POT1: variants seen among roughly 807,000 people sequenced by gnomAD.
The protein encoded by POT1 is protection of telomeres protein 1.
A neutral mutation model predicts 78.5 loss-of-function variants in POT1; 47 were observed. The ratio of observed to expected loss-of-function variants is 0.60; its 90% confidence interval spans 0.47 to 0.76. The LOEUF (loss-of-function observed/expected upper bound fraction) is 0.76. POT1 is among the 30% of genes least tolerant of loss of function. POT1 has a pLI of 0.00. For missense variants in POT1, 646 were observed against 749.9 expected, an observed-to-expected ratio of 0.86 and a Z score of 1.62; for synonymous variants, 259 against 260.7, an observed-to-expected ratio of 0.99 and a Z score of 0.06.
intron 7 of POT1, among the ~76,000 whole-genome samples, chr7:124,864,450 C>A (rs1383735177): frequency 6.6e-6 from 1 of 152,032 alleles, no homozygotes. Flanking sequence ...TTTGAGTCTA[C>A]TATCTTATTT....
At chr7:124,903,009 G>A (rs562016051) in intron 3 of POT1, among the ~76,000 whole-genome samples, 12 of 152,080 alleles carry the variant, frequency 7.9e-5, no homozygotes, top group Admixed American at 2.0e-4. Flanking sequence ...ATACAGGAAC[G>A]CCGAGATTCA....
At chr7:124,828,944 G>C (rs1332108534) in intron 16 of POT1, 1 of 608,306 alleles carries the variant, frequency 1.6e-6, no homozygotes, top group Non-Finnish European at 3.1e-6. Context: ...AACAACATCT[G>C]CAGCACAATG....
intron 12 of POT1, among the ~76,000 whole-genome samples, chr7:124,844,286 G>A (rs572677856): frequency 8.9e-4 from 135 of 151,060 alleles, no homozygotes; most frequent in Middle Eastern, 7.0e-3. Context: ...GCACCACCAC[G>A]CCCAGCTAAT....
rs1002823146 is a variant in POT1, at chr7:124,871,023, G to A, written c.143C>T (p.Thr48Ile). ...TTTTACATTTGTCTGGTCCACAATAGTTACAACTGAGCAATAATCTGGAAA... is the reference window on the plus strand; with the variant it reads ...TTTTACATTTGTCTGGTCCACAATAATTACAACTGAGCAATAATCTGGAAA... The part of the protein sequence containing the change: ...SKGTDYCSVV[T>I]IVDQTNVKLT... Residue 48 changes from threonine to isoleucine, a missense_variant, in exon 7 of 19, where the codon ACT (threonine) becomes ATT (isoleucine). Physicochemically the swap from Thr to Ile is moderately conservative, Grantham distance 89. Transcript: ENST00000357628. The A allele has an allele frequency of 1.2e-6, 2 of 1,602,848 alleles. No homozygotes were observed. The highest frequency in any genetic ancestry group is 1.7e-6 in the Non-Finnish European group (2 of 1,174,120).
At chr7:124,845,774 TA>T (rs1795148831) in intron 12 of POT1, among the ~76,000 whole-genome samples, 2 of 152,132 alleles carry the variant, frequency 1.3e-5, no homozygotes, top group Non-Finnish European at 1.5e-5. Context: ...TTAAGAAAGA[TA>T]TTTCCACTTA....
chr7:124,872,256 A>C (rs1262318134), intron 6 of POT1, among the ~76,000 whole-genome samples: 1 of 152,136 alleles, frequency 6.6e-6, no homozygotes, highest in East Asian at 1.9e-4. Context: ...TTCTATGCCT[A>C]TTGTGAATAA....
In POT1 at chr7:124,841,150, C is replaced by A; in HGVS notation, c.1192G>T (p.Asp398Tyr). The change falls in exon 14 of 19, where the codon GAT (aspartate) becomes TAT (tyrosine). Residue 398 changes from aspartate to tyrosine, a missense_variant. By Grantham distance (160) the Asp-to-Tyr change is radical. Around this residue, in one of 2 missense-constraint regions of POT1, gnomAD observed 394 missense variants for 408.4 expected, o/e 0.96. Transcript: ENST00000357628. Reference protein sequence around the residue: ...LQEVPHEGDLDIIFQDGATKT... With the variant: ...LQEVPHEGDLYIIFQDGATKT... ...GTTGCACCATCCTGAAAAATTATAT[C>A]CAAATCGCCCTCATGTGGAACTTCT... 3 of 1,612,234 alleles carry A rather than the reference C, an allele frequency of 1.9e-6. No individual in the cohort carries two copies. The highest frequency in any genetic ancestry group is 1.7e-6 in the Non-Finnish European group (2 of 1,179,004).
At chr7:124,887,722 AT>A (rs1167806725) in intron 6 of POT1, among the ~76,000 whole-genome samples, 1 of 152,068 alleles carries the variant, frequency 6.6e-6, no homozygotes, top group Non-Finnish European at 1.5e-5. Context: ...TTTAATTAGC[AT>A]TTTTCCCTTC....
At chr7:124,910,646 A>G (rs1796870108) in intron 3 of POT1, among the ~76,000 whole-genome samples, 1 of 152,016 alleles carries the variant, frequency 6.6e-6, no homozygotes. Flanking sequence ...TTGCTATTGA[A>G]CTATGTAAAA....
At chr7:124,891,536 G>T (rs965282778) in intron 6 of POT1, among the ~76,000 whole-genome samples, 1 of 151,322 alleles carries the variant, frequency 6.6e-6, no homozygotes, top group Non-Finnish European at 1.5e-5. Context: ...CATTAGGAAG[G>T]TCTTACGATT....
intron 17 of POT1, among the ~76,000 whole-genome samples, chr7:124,826,806 T>C (rs980185471): frequency 6.6e-6 from 1 of 151,750 alleles, no homozygotes; most frequent in African/African-American, 2.4e-5. Flanking sequence ...GAGGCGGAGG[T>C]TGCAGTGAGC....
intron 7 of POT1, among the ~76,000 whole-genome samples, chr7:124,867,837 G>A (rs976120800): frequency 3.3e-5 from 5 of 151,878 alleles, no homozygotes; most frequent in Admixed American, 6.6e-5. Context: ...TAGTAGAGAC[G>A]GGGTTTCACC....
At chr7:124,897,271 G>A (rs1281760676) in intron 4 of POT1, 59 bp from the exon 5 acceptor site, 6 of 624,946 alleles carry the variant, frequency 9.6e-6, no homozygotes, top group Non-Finnish European at 1.6e-5. Context: ...GTGATTACAT[G>A]CTTTTAGTTG....
intron 14 of POT1, among the ~76,000 whole-genome samples, chr7:124,836,278 T>C (rs1794898519): frequency 1.3e-5 from 2 of 152,182 alleles, no homozygotes; most frequent in Admixed American, 1.3e-4. Flanking sequence ...AAGGGCTGAA[T>C]TTTGGCAAGA....
intron 7 of POT1, among the ~76,000 whole-genome samples, chr7:124,867,657 A>AT (rs1483215653): frequency 2.6e-4 from 39 of 149,684 alleles, no homozygotes; most frequent in Middle Eastern, 3.4e-3. Flanking sequence ...TTTATTTATT[A>AT]TTTTTTTTGG....
rs373867758 is a variant in POT1, at chr7:124,827,189, T to C, written c.1686+25A>G. On this transcript the variant is annotated intron_variant, in intron 17 of 18. Coordinates refer to ENST00000357628, the MANE Select transcript of POT1 (RefSeq NM_015450.3). ...TTAAATATTATTTTTTAATTAAAAA[T>C]ATCTTTATTACCTCTGATACTTACA... is the stretch of plus-strand genomic sequence containing the variant. 2.8e-5 allele frequency: 36 copies of C among 1,282,160 alleles called. No individual in the cohort carries two copies. In the African/African-American group the frequency reaches 5.5e-4, roughly 20 times the overall value. 79.4% of individuals were successfully genotyped at this position (1,282,160 alleles called of 1,614,324 possible). A position where few individuals can be genotyped will look rare whatever the true frequency, so the allele number is the denominator to read the frequency against.
chr7:124,873,589 A>G (rs1795921603), intron 6 of POT1, among the ~76,000 whole-genome samples: 1 of 152,136 alleles, frequency 6.6e-6, no homozygotes, highest in African/African-American at 2.4e-5. Flanking sequence ...TGTCTTCAGT[A>G]TCAGAGTGAT....
intron 3 of POT1, among the ~76,000 whole-genome samples, chr7:124,901,372 T>C (rs1310781008): frequency 1.3e-5 from 2 of 152,164 alleles, no homozygotes; most frequent in Admixed American, 1.3e-4. Context: ...CTGCTGGTGA[T>C]ACCCAGGCAA....
At chr7:124,901,332 T>C (rs949065594) in intron 3 of POT1, among the ~76,000 whole-genome samples, 2 of 152,182 alleles carry the variant, frequency 1.3e-5, no homozygotes, top group Non-Finnish European at 2.9e-5. Flanking sequence ...CAACATTTGC[T>C]GTTCTGCAAT....
Sources: gnomAD v4.1 joint callset for allele counts (sites outside exome capture counted in the v4.1 genomes callset) on GRCh38, gnomAD v4.1.1 for gene constraint, gnomAD v4.1.1 regional missense constraint, MANE v1.5 for transcripts, NCBI Gene and HGNC (gene_info 2026-07-23, HGNC 2026-07-21) for gene names.